Variants in TRPC7 observed in about 807,000 individuals in gnomAD.
TRPC7 encodes the protein transient receptor potential cation channel subfamily C member 7.
In TRPC7, 42 loss-of-function variants were observed where a neutral mutation model predicts 90.1. The observed-to-expected ratio is 0.47, with a 90% CI of 0.36 to 0.60. The LOEUF (loss-of-function observed/expected upper bound fraction) is 0.60. TRPC7 is among the 20% of genes least tolerant of loss of function. TRPC7 has a pLI of 0.00. For synonymous variants in TRPC7, 451 were observed against 436.3 expected (o/e 1.03, Z -0.42); for missense variants, 955 against 1,112.3 (o/e 0.86, Z 2.01).
intron 8 of TRPC7, among the ~76,000 whole-genome samples, chr5:136,228,031 C>T (rs921300114): frequency 1.3e-5 from 2 of 151,988 alleles, no homozygotes; most frequent in Admixed American, 6.5e-5. Context: ...CTGGGCATGA[C>T]GATCCATGCC....
chr5:136,357,376 G>T lies in TRPC7; in HGVS notation c.12C>A (p.Asn4Lys). MLR[N>K]STFKNMQRRH... is the part of the protein sequence containing the mutation. Reference sequence around the variant, plus strand: ...GGCGCTGCATGTTTTTGAAGGTGCTGTTCCTCAACCTATGGGACAAGGCAA... The same window carrying T: ...GGCGCTGCATGTTTTTGAAGGTGCTTTTCCTCAACCTATGGGACAAGGCAA... Residue 4 changes from asparagine (N) to lysine (K), a missense_variant, in exon 2 of 12, where the codon AAC (asparagine) becomes AAA (lysine). Coordinates refer to ENST00000513104, the MANE Select transcript of TRPC7 (RefSeq NM_020389.3). 6.3e-7 allele frequency: 1 copy of T among 1,596,694 alleles called. No homozygotes were observed. Among genetic ancestry groups the T allele is most frequent in the Non-Finnish European group, 8.5e-7 (1 of 1,177,722 alleles).
chr5:136,289,481 A>G (rs1757855002), intron 3 of TRPC7, among the ~76,000 whole-genome samples: 3 of 152,228 alleles, frequency 2.0e-5, no homozygotes, highest in Admixed American at 1.3e-4. Flanking sequence ...AACAAATGGC[A>G]CACCAGGAGA....
chr5:136,213,916 T>C, intron 11 of TRPC7: 1 of 305,284 alleles, frequency 3.3e-6, no homozygotes, highest in Non-Finnish European at 6.1e-6. Flanking sequence ...AAAATACTTG[T>C]TAGAAAGTTT....
At chr5:136,224,300 C>T (rs1197444762) in intron 10 of TRPC7, among the ~76,000 whole-genome samples, 1 of 152,200 alleles carries the variant, frequency 6.6e-6, no homozygotes, top group Non-Finnish European at 1.5e-5. Context: ...ATCACTGGCG[C>T]ATGGGCTGAT....
chr5:136,251,446 C>T (rs987240392), intron 6 of TRPC7, among the ~76,000 whole-genome samples: 1 of 152,206 alleles, frequency 6.6e-6, no homozygotes, highest in African/African-American at 2.4e-5. Flanking sequence ...TTCTATTCTG[C>T]TGGCTACACT....
At chr5:136,232,842 TG>T (rs765425245) in intron 7 of TRPC7, among the ~76,000 whole-genome samples, 1 of 152,226 alleles carries the variant, frequency 6.6e-6, no homozygotes. Context: ...TCCAGATTTT[TG>T]GTACCACTGT....
chr5:136,345,032 A>G (rs1009003586), intron 2 of TRPC7, among the ~76,000 whole-genome samples: 1 of 152,240 alleles, frequency 6.6e-6, no homozygotes, highest in African/African-American at 2.4e-5. Context: ...TTGAGAACAT[A>G]GTGGATGCAA....
chr5:136,349,259 T>C (rs1760110917), intron 2 of TRPC7, among the ~76,000 whole-genome samples: 1 of 152,222 alleles, frequency 6.6e-6, no homozygotes, highest in African/African-American at 2.4e-5. Context: ...AAATATTCCC[T>C]TGGCCTATTT....
intron 2 of TRPC7, among the ~76,000 whole-genome samples, chr5:136,327,508 T>C (rs1759377380): frequency 6.6e-6 from 1 of 152,050 alleles, no homozygotes; most frequent in Non-Finnish European, 1.5e-5. Flanking sequence ...GGTTCAGTGA[T>C]GGGGGCTTTG....
intron 3 of TRPC7, among the ~76,000 whole-genome samples, chr5:136,289,637 G>A (rs1757861043): frequency 6.6e-6 from 1 of 152,240 alleles, no homozygotes; most frequent in Non-Finnish European, 1.5e-5. Context: ...GGTAAACAAA[G>A]CGGCCGGGAA....
chr5:136,276,394 T>G (rs2149816086), intron 3 of TRPC7, among the ~76,000 whole-genome samples: 1 of 152,360 alleles, frequency 6.6e-6, no homozygotes, highest in East Asian at 1.9e-4. Flanking sequence ...TCATCTCATT[T>G]GCCTCACTGA....
chr5:136,364,844 T>C (rs956714597), intron 1 of TRPC7, among the ~76,000 whole-genome samples: 2 of 152,196 alleles, frequency 1.3e-5, no homozygotes, highest in African/African-American at 4.8e-5. Flanking sequence ...TAACAGTGGC[T>C]ACTTATTAGA....
At chr5:136,239,075 G>A (rs552489390) in intron 7 of TRPC7, among the ~76,000 whole-genome samples, 1 of 152,138 alleles carries the variant, frequency 6.6e-6, no homozygotes, top group Non-Finnish European at 1.5e-5. Context: ...GAACTTTTCT[G>A]TGCTGGTTTC....
intron 2 of TRPC7, among the ~76,000 whole-genome samples, chr5:136,348,975 A>G (rs527940450): frequency 2.2e-4 from 34 of 152,194 alleles, no homozygotes; most frequent in Non-Finnish European, 4.6e-4. Flanking sequence ...AACTGTTTCC[A>G]TTTTCTCCAT....
intron 3 of TRPC7, among the ~76,000 whole-genome samples, chr5:136,299,751 A>G (rs1758312631): frequency 6.6e-6 from 1 of 152,170 alleles, no homozygotes; most frequent in Non-Finnish European, 1.5e-5. Flanking sequence ...GAAGATTGTA[A>G]TTTCTAAGAT....
rs150071987 is a variant in TRPC7 at position 136,350,884 on chromosome 5, G to A, written c.780+5724C>T. On this transcript the variant is annotated intron_variant, in intron 2 of 11. Coordinates refer to ENST00000513104, the MANE Select transcript of TRPC7 (RefSeq NM_020389.3). ...GGACTAGAGGGACACAGATCCCTGA[G>A]GAGATTAGGGATGGTATACAGTCAT... 2.7e-3 allele frequency among the ~76,000 whole-genome samples: 405 copies of A among 152,318 alleles called. 2 individuals carry two copies. Among genetic ancestry groups the A allele is most frequent in the African/African-American group, 9.2e-3 (384 of 41,562 alleles).
chr5:136,299,328 CT>C, intron 3 of TRPC7, among the ~76,000 whole-genome samples: 1 of 126,246 alleles, frequency 7.9e-6, no homozygotes, highest in Non-Finnish European at 1.6e-5. Flanking sequence ...ATTTCTCTGA[CT>C]GGGGTGTGTG....
intron 3 of TRPC7, among the ~76,000 whole-genome samples, chr5:136,292,906 G>A (rs1387411213): frequency 6.6e-6 from 1 of 152,154 alleles, no homozygotes; most frequent in East Asian, 1.9e-4. Flanking sequence ...TAAAATACTG[G>A]CAAATCGAAT....
Position 136,357,075 on chromosome 5 carries a change from G to C in TRPC7, c.313C>G (p.Arg105Gly). The change falls in exon 2 of 12, where the codon CGG (arginine) becomes GGG (glycine). Residue 105 changes from arginine to glycine, a missense_variant. By Grantham distance (125) the Arg-to-Gly change is moderately radical. Transcript: ENST00000513104. ...ELLLKKENLA[R>G]VGDALLLAIS... ...GCCAGCAGCAGCGCGTCCCCCACCC[G>C]TGCCAGGTTCTCCTTCTTCAGCAGC... 1 of 1,613,884 alleles carries C rather than the reference G, an allele frequency of 6.2e-7. No homozygotes were observed. Among genetic ancestry groups the C allele is most frequent in the Non-Finnish European group, 8.5e-7 (1 of 1,179,934 alleles).
Sources: gnomAD v4.1 joint callset for allele counts (sites outside exome capture counted in the v4.1 genomes callset) on GRCh38, gnomAD v4.1.1 for gene constraint, MANE v1.5 for transcripts, NCBI Gene and HGNC (gene_info 2026-07-23, HGNC 2026-07-21) for gene names.